RNMT: variants seen among roughly 807,000 people sequenced by gnomAD.
RNMT encodes mRNA cap guanine-N(7) methyltransferase.
In RNMT, 27 loss-of-function variants were observed where a neutral mutation model predicts 56.0. The ratio of observed to expected loss-of-function variants is 0.48; its 90% CI spans 0.36 to 0.67. The LOEUF (loss-of-function observed/expected upper bound fraction) is 0.67. Among genes scored for constraint, RNMT ranks in the 30% least tolerant of loss-of-function variants. RNMT has a pLI of 0.00. For missense variants in RNMT, 519 were observed against 552.1 expected (o/e 0.94, Z 0.60); for synonymous variants, 184 against 176.2 (o/e 1.04, Z -0.35).
intron 4 of RNMT, among the ~76,000 whole-genome samples, chr18:13,735,500 C>CTTT (rs5823269): frequency 0.051 from 7,117 of 138,202 alleles, 602 homozygotes; most frequent in African/African-American, 0.17. Flanking sequence ...TGAGTGTTCA[C>CTTT]TTTTTTTTTT....
At chr18:13,741,450 A>T in intron 6 of RNMT, 60 bp from the exon 7 acceptor site, 1 of 1,214,024 alleles carries the variant, frequency 8.2e-7, no homozygotes, top group Non-Finnish European at 1.2e-6. Flanking sequence ...AATTTACTAA[A>T]AAGTTTTTAA....
chr18:13,763,048 C>T lies in RNMT; in HGVS notation c.*3069C>T, dbSNP rs2044638621. The T allele has an allele frequency of 2.2e-6, 1 of 455,908 alleles. No homozygotes were observed. The highest frequency in any genetic ancestry group is 4.4e-6 in the Non-Finnish European group (1 of 226,736). 28.2% of individuals were successfully genotyped at this position (455,908 alleles called of 1,614,324 possible). A position where few individuals can be genotyped will look rare whatever the true frequency, so the allele number is the denominator to read the frequency against. On this transcript the variant is annotated 3_prime_UTR_variant, in exon 12 of 12. Coordinates refer to ENST00000383314, the MANE Select transcript of RNMT (RefSeq NM_003799.3). ...GTCTCTAGGGTCTGCAAAATAGAGG[C>T]CAAATCCAGGGACCAGGCCCTAATA...
chr18:13,760,717 C>T lies in RNMT; in HGVS notation c.*738C>T. 4 of 985,220 alleles carry T rather than the reference C, an allele frequency of 4.1e-6. No individual in the cohort carries two copies. Among genetic ancestry groups the T allele is most frequent in the Non-Finnish European group, 4.8e-6 (4 of 829,808 alleles). 61.0% of individuals were successfully genotyped at this position (985,220 alleles called of 1,614,324 possible). A position where few individuals can be genotyped will look rare whatever the true frequency, so the allele number is the denominator to read the frequency against. On this transcript the variant is annotated 3_prime_UTR_variant, in exon 12 of 12. Coordinates refer to ENST00000383314, the MANE Select transcript of RNMT (RefSeq NM_003799.3). ...ACCTTTCTTCATTGAACAAATGGTG[C>T]CATAGTTATTTTTCTCAAAATTTAG...
At chr18:13,758,257 G>A (rs1280277305) in intron 11 of RNMT, among the ~76,000 whole-genome samples, 2 of 152,240 alleles carry the variant, frequency 1.3e-5, no homozygotes, top group South Asian at 2.1e-4. Flanking sequence ...CAGGAGAGTC[G>A]CCCTGTCTTT....
At chr18:13,756,414 A>G (rs750569164) in intron 11 of RNMT, among the ~76,000 whole-genome samples, 2 of 152,028 alleles carry the variant, frequency 1.3e-5, no homozygotes, top group Non-Finnish European at 2.9e-5. Context: ...TGCAATTGCT[A>G]TGGGTGTGTG....
intron 3 of RNMT, among the ~76,000 whole-genome samples, chr18:13,732,213 C>T (rs996044352): frequency 2.0e-5 from 3 of 151,576 alleles, no homozygotes; most frequent in Non-Finnish European, 4.4e-5. Context: ...CTTTTTTTTC[C>T]GAGACAGAGT....
At chr18:13,742,365 T>G (rs1305998583) in intron 7 of RNMT, 123 bp from the exon 8 acceptor site, 2 of 796,578 alleles carry the variant, frequency 2.5e-6, no homozygotes, top group Non-Finnish European at 3.9e-6. Flanking sequence ...GTAGCCCAGA[T>G]ATAATTAAAA....
chr18:13,733,636 C>T (rs2044112147), intron 3 of RNMT, among the ~76,000 whole-genome samples: 1 of 152,176 alleles, frequency 6.6e-6, no homozygotes, highest in South Asian at 2.1e-4. Flanking sequence ...CCTGGGCCTC[C>T]CACAGTGCTG....
chr18:13,742,470 G>A lies in RNMT; in HGVS notation c.975-18G>A. ...CAATTTTAATCTTTTTATTTTGGTTGGGGGATAACCTTGATAGAAGACGCC... is the reference window on the plus strand; with the variant it reads ...CAATTTTAATCTTTTTATTTTGGTTAGGGGATAACCTTGATAGAAGACGCC... On this transcript the variant is annotated intron_variant, in intron 7 of 11. Transcript: ENST00000383314. 6.2e-7 allele frequency: 1 copy of A among 1,607,386 alleles called. No individual in the cohort carries two copies.
rs1206711555 is a variant in RNMT, at chr18:13,761,096, T to G, written c.*1117T>G. The G allele has an allele frequency of 1.0e-6, 1 of 984,758 alleles. No homozygotes were observed. The highest frequency in any genetic ancestry group is 1.2e-6 in the Non-Finnish European group (1 of 829,406). The allele number at this position is 984,758 out of a possible 1,614,324, so 61.0% of individuals were successfully genotyped here. A position where few individuals can be genotyped will look rare whatever the true frequency, so the allele number is the denominator to read the frequency against. On this transcript the variant is annotated 3_prime_UTR_variant, in exon 12 of 12. Transcript: ENST00000383314. ...TATTAAGCCATGATTTACAAAAACA[T>G]TACTTTCTGTAATTCACAATACTTG...
chr18:13,731,848 G>A lies in RNMT; in HGVS notation c.331G>A (p.Asp111Asn). The A allele has an allele frequency of 6.2e-7, 1 of 1,612,918 alleles. No individual in the cohort carries two copies. The highest frequency in any genetic ancestry group is 8.5e-7 in the Non-Finnish European group (1 of 1,179,754). Residue 111 changes from aspartate (D) to asparagine (N), a missense_variant, in exon 3 of 12, where the codon GAT becomes AAT. Transcript: ENST00000383314. ...AAAGAAAAGAAAAAGAGAAACTGAGGATGTTCCAAAAGATAAATCTTCTAC... is the reference window on the plus strand; with the variant it reads ...AAAGAAAAGAAAAAGAGAAACTGAGAATGTTCCAAAAGATAAATCTTCTAC... ...NSKKRKRETE[D>N]VPKDKSSTGD...
At chr18:13,743,607 C>T (rs1201450154) in intron 8 of RNMT, among the ~76,000 whole-genome samples, 2 of 152,016 alleles carry the variant, frequency 1.3e-5, no homozygotes, top group Non-Finnish European at 2.9e-5. Context: ...ACCTTGGTTT[C>T]CAGAGTTTCC....
At chr18:13,752,276 G>A (rs2044462163) in intron 9 of RNMT, 50 bp from the exon 10 acceptor site, 3 of 1,125,164 alleles carry the variant, frequency 2.7e-6, no homozygotes, top group Non-Finnish European at 4.1e-6. Flanking sequence ...GTTTAATTCT[G>A]AATTGTAAAT....
At chr18:13,737,175 CA>C (rs758866159) in intron 5 of RNMT, 40 bp downstream of exon 5, 3 of 1,504,364 alleles carry the variant, frequency 2.0e-6, no homozygotes. Context: ...AATTTGTAGT[CA>C]GATAAATGGA....
Position 13,754,139 on chromosome 18 carries a change from A to G in RNMT, c.1385A>G (p.Glu462Gly), listed in dbSNP as rs778504769. 1 of 1,565,730 alleles carries G rather than the reference A, an allele frequency of 6.4e-7. No homozygotes were observed. The highest frequency in any genetic ancestry group is 8.8e-7 in the Non-Finnish European group (1 of 1,137,726). ...PLGTLSKSEWEATSIYLVFAF... is the reference protein window; with the variant it reads ...PLGTLSKSEWGATSIYLVFAF... ...GGAACCTTAAGTAAATCAGAATGGGAAGCTACAAGTGAGTATATCATCAGC... is the reference window on the plus strand; with the variant it reads ...GGAACCTTAAGTAAATCAGAATGGGGAGCTACAAGTGAGTATATCATCAGC... The change falls in exon 11 of 12, where the codon GAA (glutamate) becomes GGA (glycine). Residue 462 changes from glutamate to glycine, a missense_variant. Physicochemically the swap from Glu to Gly is moderately conservative, Grantham distance 98. Transcript: ENST00000383314.
intron 11 of RNMT, among the ~76,000 whole-genome samples, chr18:13,759,055 CAA>C (rs2044587050): frequency 6.6e-6 from 1 of 151,998 alleles, no homozygotes; most frequent in Non-Finnish European, 1.5e-5. Flanking sequence ...TGTGGCACCT[CAA>C]AACAATTACA....
intron 11 of RNMT, among the ~76,000 whole-genome samples, chr18:13,758,532 T>C (rs538633509): frequency 6.6e-6 from 1 of 152,274 alleles, no homozygotes; most frequent in African/African-American, 2.4e-5. Flanking sequence ...TCTTGTGCAG[T>C]TTCCTCACCT....
chr18:13,744,891 A>C (rs1338616768), intron 8 of RNMT, among the ~76,000 whole-genome samples: 1 of 152,214 alleles, frequency 6.6e-6, no homozygotes, highest in Non-Finnish European at 1.5e-5. Flanking sequence ...TGGCAAATGC[A>C]GTGAGGAAAA....
intron 11 of RNMT, among the ~76,000 whole-genome samples, chr18:13,757,101 T>C (rs2044555805): frequency 6.6e-6 from 1 of 152,222 alleles, no homozygotes; most frequent in African/African-American, 2.4e-5. Context: ...TGTGTAGTAG[T>C]GTTGTGTCTG....
Sources: allele counts gnomAD v4.1 joint callset (sites outside exome capture counted in the v4.1 genomes callset), GRCh38; gene constraint gnomAD v4.1.1; transcripts MANE v1.5; gene names NCBI Gene and HGNC (gene_info 2026-07-23, HGNC 2026-07-21).